SLC1A3: variants seen among roughly 807,000 people sequenced by gnomAD.
SLC1A3 encodes the protein solute carrier family 1 member 3.
SLC1A3 carries 21 observed loss-of-function variants against 48.1 expected under a neutral mutation model. That is an observed-to-expected ratio of 0.44 (90% CI 0.31 to 0.63). SLC1A3 has a LOEUF of 0.63. Ranked by LOEUF, SLC1A3 falls within the 20% of genes least tolerant of loss-of-function variation. SLC1A3 has a pLI of 0.08. For missense variants in SLC1A3, 546 were observed against 689.0 expected (o/e 0.79, Z 2.32); for synonymous variants, 239 against 251.4 (o/e 0.95, Z 0.47).
chr5:36,683,121 T>C (rs963034186), intron 8 of SLC1A3, among the ~76,000 whole-genome samples: 3 of 152,228 alleles, frequency 2.0e-5, no homozygotes, highest in African/African-American at 4.8e-5. Flanking sequence ...ACATTAATCA[T>C]GAATGTTCAG....
intron 2 of SLC1A3, chr5:36,608,878 A>T (rs1442304225): frequency 8.6e-7 from 1 of 1,165,062 alleles, no homozygotes; most frequent in Non-Finnish European, 1.1e-6. Context: ...TCATGTAAGG[A>T]TAAGGAAGTG....
chr5:36,667,637 G>A (rs1203129768), intron 3 of SLC1A3: 1 of 152,150 alleles, frequency 6.6e-6, no homozygotes, highest in Non-Finnish European at 1.5e-5. Flanking sequence ...AATTGTCATG[G>A]AATTAAATGA....
Position 36,671,107 on chromosome 5 carries a change from T to C in SLC1A3, c.398T>C (p.Ile133Thr), listed in dbSNP as rs149249424. 1 of 1,612,714 alleles carries C rather than the reference T, an allele frequency of 6.2e-7. No homozygotes were observed. Among genetic ancestry groups the C allele is most frequent in the East Asian group, 2.2e-5 (1 of 44,880 alleles). ...GTCTATTATATGACTACCACCATCA[T>C]TGCTGTGGTGATTGGCATAATCATT... ...AVVYYMTTTI[I>T]AVVIGIIIVI... The change falls in exon 4 of 10, where the codon ATT becomes ACT. Residue 133 changes from isoleucine to threonine, a missense_variant. This residue lies in a region of SLC1A3 where 348 missense variants were observed against 392.0 expected (regional missense o/e 0.89). Transcript: ENST00000265113.
chr5:36,673,762 T>C (rs1231051873), intron 4 of SLC1A3, among the ~76,000 whole-genome samples: 1 of 152,196 alleles, frequency 6.6e-6, no homozygotes, highest in East Asian at 1.9e-4. Flanking sequence ...ACTTTGATTA[T>C]TCCTAGTAGC....
chr5:36,684,275 C>T (rs1742557499), intron 9 of SLC1A3, among the ~76,000 whole-genome samples: 1 of 152,250 alleles, frequency 6.6e-6, no homozygotes, highest in Non-Finnish European at 1.5e-5. Flanking sequence ...AACCCGCTGT[C>T]TGCAAAGGCA....
At chr5:36,653,720 G>A (rs1421092044) in intron 3 of SLC1A3, among the ~76,000 whole-genome samples, 2 of 152,194 alleles carry the variant, frequency 1.3e-5, no homozygotes, top group Admixed American at 6.5e-5. Flanking sequence ...GGACTTGTGA[G>A]CTTTGAGAGC....
intron 2 of SLC1A3, chr5:36,613,202 A>T (rs1368472262): frequency 8.9e-6 from 2 of 223,992 alleles, no homozygotes; most frequent in Non-Finnish European, 1.8e-5. Context: ...AGGTATTCCT[A>T]CAACCTCCAA....
intron 4 of SLC1A3, among the ~76,000 whole-genome samples, chr5:36,672,958 G>A (rs1228921937): frequency 6.6e-6 from 1 of 152,104 alleles, no homozygotes; most frequent in African/African-American, 2.4e-5. Flanking sequence ...CTTGTTTGAA[G>A]AATTGGAATC....
chr5:36,605,271 T>C (rs1040762777), upstream of SLC1A3, among the ~76,000 whole-genome samples: 3 of 152,146 alleles, frequency 2.0e-5, no homozygotes, highest in Non-Finnish European at 4.4e-5. Flanking sequence ...AACAATGTAG[T>C]ATAGATGCTC....
chr5:36,608,782 A>T, intron 2 of SLC1A3, 178 bp downstream of exon 2: 1 of 1,431,540 alleles, frequency 7.0e-7, no homozygotes. Context: ...TTGGAGCAAT[A>T]TATAGTAAAC....
chr5:36,646,025 T>G (rs189912864), intron 3 of SLC1A3, among the ~76,000 whole-genome samples: 1 of 152,376 alleles, frequency 6.6e-6, no homozygotes, highest in Non-Finnish European at 1.5e-5. Context: ...ATGTAGTGAT[T>G]ACAAGACATT....
intron 4 of SLC1A3, among the ~76,000 whole-genome samples, chr5:36,671,935 T>C (rs1009878320): frequency 6.6e-6 from 1 of 152,182 alleles, no homozygotes; most frequent in Non-Finnish European, 1.5e-5. Context: ...TCCTCTCCCC[T>C]ACACACCTGC....
At chr5:36,672,126 G>A (rs938062067) in intron 4 of SLC1A3, among the ~76,000 whole-genome samples, 1 of 152,192 alleles carries the variant, frequency 6.6e-6, no homozygotes, top group African/African-American at 2.4e-5. Context: ...AGGGAACCCA[G>A]AAAGAGCTAT....
chr5:36,599,905 T>G (rs1322243134), intron 1 of SLC1A3, among the ~76,000 whole-genome samples: 19 of 152,064 alleles, frequency 1.2e-4, no homozygotes, highest in Admixed American at 1.2e-3. Context: ...CACCGCAACC[T>G]CCGACTCCTG....
chr5:36,649,610 A>C (rs1740978978), intron 3 of SLC1A3, among the ~76,000 whole-genome samples: 1 of 152,212 alleles, frequency 6.6e-6, no homozygotes, highest in Non-Finnish European at 1.5e-5. Context: ...TTTATTCTAA[A>C]ACAATTCCTG....
chr5:36,665,219 GA>G (rs35654981), intron 3 of SLC1A3, among the ~76,000 whole-genome samples: 70 of 141,218 alleles, frequency 5.0e-4, no homozygotes, highest in African/African-American at 6.3e-4. Context: ...CTAAGTGTTA[GA>G]AAAAAAAAAA....
intron 3 of SLC1A3, among the ~76,000 whole-genome samples, chr5:36,654,077 C>T (rs995826290): frequency 1.3e-5 from 2 of 152,146 alleles, no homozygotes; most frequent in Non-Finnish European, 2.9e-5. Context: ...CTCCTGACCT[C>T]GTGATCCACC....
chr5:36,636,509 C>G (rs377232595), intron 3 of SLC1A3: 1 of 120,174 alleles, frequency 8.3e-6, no homozygotes, highest in East Asian at 2.4e-4. Context: ...CTTTCTTTTT[C>G]TTTCTTTCTT....
chr5:36,655,783 C>A (rs1741259877), intron 3 of SLC1A3, among the ~76,000 whole-genome samples: 1 of 152,178 alleles, frequency 6.6e-6, no homozygotes. Context: ...CCTGGAGGGC[C>A]CCGGCCAGTT....
Sources: allele counts gnomAD v4.1 joint callset (sites outside exome capture counted in the v4.1 genomes callset), GRCh38; gene constraint gnomAD v4.1.1; regional missense constraint gnomAD v4.1.1; transcripts MANE v1.5; gene names NCBI Gene and HGNC (gene_info 2026-07-23, HGNC 2026-07-21).